TRPM3: variants seen among roughly 807,000 people sequenced by gnomAD.
TRPM3 encodes long transient receptor potential channel 3.
A neutral mutation model predicts 181.2 loss-of-function variants in TRPM3; 77 were observed. That is an observed-to-expected ratio of 0.42 (90% CI 0.35 to 0.51). The LOEUF is 0.51. TRPM3 is among the 20% of genes least tolerant of loss of function. The pLI, the probability that TRPM3 is intolerant of heterozygous loss-of-function variation, is 0.01. For synonymous variants in TRPM3, 745 were observed against 796.4 expected, an observed-to-expected ratio of 0.94 and a Z score of 1.09; for missense variants, 1,759 against 2,196.7, an observed-to-expected ratio of 0.80 and a Z score of 3.98.
intron 9 of TRPM3, among the ~76,000 whole-genome samples, chr9:70,648,012 G>A (rs1019413041): frequency 6.6e-6 from 1 of 152,100 alleles, no homozygotes; most frequent in Non-Finnish European, 1.5e-5. Flanking sequence ...TCTATAGCAA[G>A]AATTATAAAA....
At chr9:71,201,889 G>GTT (rs2078819529) in intron 1 of TRPM3, among the ~76,000 whole-genome samples, 1 of 152,190 alleles carries the variant, frequency 6.6e-6, no homozygotes, top group South Asian at 2.1e-4. Context: ...CGTTCCTTTG[G>GTT]AGGAGGAGAG....
chr9:70,798,130 C>T (rs1375275770), intron 6 of TRPM3, among the ~76,000 whole-genome samples: 1 of 152,218 alleles, frequency 6.6e-6, no homozygotes, highest in Non-Finnish European at 1.5e-5. Context: ...TCTTGGCTCA[C>T]TGCCGCCTCG....
chr9:71,291,505 G>A (rs1335285637), intron 1 of TRPM3, among the ~76,000 whole-genome samples: 1 of 152,028 alleles, frequency 6.6e-6, no homozygotes, highest in Non-Finnish European at 1.5e-5. Context: ...TATATTCTTT[G>A]ACAATAGAAA....
intron 5 of TRPM3, among the ~76,000 whole-genome samples, chr9:70,835,631 G>A (rs536396408): frequency 1.3e-5 from 2 of 151,952 alleles, no homozygotes; most frequent in Non-Finnish European, 2.9e-5. Context: ...GCTCCTACAC[G>A]CTTGCCAGTT....
In TRPM3 at chr9:71,119,111, G is replaced by C. The variant is rs79949019; in HGVS notation, c.177+2067C>G. 4.9e-3 allele frequency among the ~76,000 whole-genome samples: 749 copies of C among 152,258 alleles called. 19 individuals carry two copies. The East Asian group carries it at 0.077, about 16-fold the overall frequency. ...CAAAGCAGCTTTGCTTTCTTTCTAAGTATTGCTGAAAGAACTTGGTATGAC... is the reference window on the plus strand; with the variant it reads ...CAAAGCAGCTTTGCTTTCTTTCTAACTATTGCTGAAAGAACTTGGTATGAC... On this transcript the variant is annotated intron_variant, in intron 1 of 25. Transcript: ENST00000677713.
intron 1 of TRPM3, among the ~76,000 whole-genome samples, chr9:71,349,509 G>A (rs927740207): frequency 8.5e-5 from 13 of 152,230 alleles, no homozygotes; most frequent in Admixed American, 2.6e-4. Flanking sequence ...TCAGTAAATC[G>A]TTTCCTTAAA....
chr9:70,630,055 A>G (rs1482863652), intron 12 of TRPM3, among the ~76,000 whole-genome samples: 1 of 152,182 alleles, frequency 6.6e-6, no homozygotes, highest in South Asian at 2.1e-4. Flanking sequence ...GATGTCACAG[A>G]TGATGCATTT....
chr9:71,025,107 C>A (rs1315817912), intron 1 of TRPM3, among the ~76,000 whole-genome samples: 1 of 152,180 alleles, frequency 6.6e-6, no homozygotes, highest in Non-Finnish European at 1.5e-5. Context: ...ACCCCCTTGG[C>A]AATGTATTTA....
intron 1 of TRPM3, among the ~76,000 whole-genome samples, chr9:71,045,669 TAG>T (rs1484274055): frequency 6.6e-6 from 1 of 152,156 alleles, no homozygotes; most frequent in African/African-American, 2.4e-5. Flanking sequence ...AAAGAAAGAA[TAG>T]AGTTTTCCTA....
chr9:70,564,054 G>T (rs560694895), intron 22 of TRPM3, among the ~76,000 whole-genome samples: 1 of 152,172 alleles, frequency 6.6e-6, no homozygotes, highest in African/African-American at 2.4e-5. Flanking sequence ...TTGCCTAGTA[G>T]TTTCATCAGA....
At chr9:70,828,053 A>T (rs2093660607) in intron 5 of TRPM3, 35 bp from the exon 6 acceptor site, 1 of 1,580,246 alleles carries the variant, frequency 6.3e-7, no homozygotes, top group Non-Finnish European at 8.6e-7. Context: ...CAGAAGTCAG[A>T]AAAAAAGAAC....
chr9:71,035,678 A>G (rs1313418631), intron 1 of TRPM3, among the ~76,000 whole-genome samples: 9 of 152,262 alleles, frequency 5.9e-5, no homozygotes, highest in East Asian at 3.9e-4. Context: ...TATTGTGCCA[A>G]TGCACTCCAG....
chr9:71,101,262 G>A (rs894811024), intron 1 of TRPM3, among the ~76,000 whole-genome samples: 3 of 152,130 alleles, frequency 2.0e-5, no homozygotes, highest in African/African-American at 4.8e-5. Context: ...TGAGATGGTT[G>A]TGGATTTTTT....
chr9:71,095,655 A>C (rs1324273060), intron 1 of TRPM3, among the ~76,000 whole-genome samples: 6 of 148,074 alleles, frequency 4.1e-5, no homozygotes, highest in Non-Finnish European at 5.9e-5. Context: ...GCTACTAGGG[A>C]GGCTGAGGCA....
intron 8 of TRPM3, among the ~76,000 whole-genome samples, chr9:70,694,113 A>G (rs2069437889): frequency 6.6e-6 from 1 of 152,172 alleles, no homozygotes; most frequent in African/African-American, 2.4e-5. Flanking sequence ...GGTCAGGGGA[A>G]ATGTTTTGGA....
chr9:70,794,959 T>C (rs1055827807), intron 6 of TRPM3, among the ~76,000 whole-genome samples: 17 of 152,224 alleles, frequency 1.1e-4, no homozygotes, highest in African/African-American at 3.4e-4. Context: ...AAAAAAATTA[T>C]TCCTATACTG....
chr9:71,229,654 G>T (rs1315002658), intron 1 of TRPM3, among the ~76,000 whole-genome samples: 4 of 152,034 alleles, frequency 2.6e-5, no homozygotes, highest in African/African-American at 9.7e-5. Flanking sequence ...CTCAAAAGAA[G>T]ACAAATGACA....
At chr9:70,772,241 C>T (rs1419019504) in intron 7 of TRPM3, among the ~76,000 whole-genome samples, 1 of 152,024 alleles carries the variant, frequency 6.6e-6, no homozygotes, top group African/African-American at 2.4e-5. Context: ...TTTCCTTTGT[C>T]ACACTAGCCA....
At chr9:70,805,534 GAAAAAAAAAAAAAAAAA>G (rs534322844) in intron 6 of TRPM3, among the ~76,000 whole-genome samples, 33 of 82,752 alleles carry the variant, frequency 4.0e-4, no homozygotes, top group African/African-American at 9.3e-4. Context: ...ACTCCATCTC[GAAAAAAAAAAAAAAAAA>G]AAAAAAAAAA....
Sources: allele counts gnomAD v4.1 joint callset (sites outside exome capture counted in the v4.1 genomes callset), GRCh38; gene constraint gnomAD v4.1.1; transcripts MANE v1.5; gene names NCBI Gene and HGNC (gene_info 2026-07-23, HGNC 2026-07-21).